The following NRXN3 variants were observed in gnomAD, a reference collection of about 807,000 sequenced individuals.
The protein encoded by NRXN3 is neurexin III.
NRXN3 carries 32 observed loss-of-function variants against 137.6 expected under a neutral mutation model. That is an observed-to-expected ratio of 0.23 (90% confidence interval 0.18 to 0.31). The LOEUF is 0.31. Among genes scored for constraint, NRXN3 ranks in the 10% least tolerant of loss-of-function variants. The pLI is 1.00. For missense variants in NRXN3, 1,574 were observed against 2,062.5 expected (o/e 0.76, Z 4.59); for synonymous variants, 798 against 784.5 (o/e 1.02, Z -0.29).
At chr14:79,834,988 A>G (rs2099334816) in intron 20 of NRXN3, among the ~76,000 whole-genome samples, 1 of 152,020 alleles carries the variant, frequency 6.6e-6, no homozygotes, top group South Asian at 2.1e-4. Flanking sequence ...CCACCGTTCT[A>G]CTCTACTTCT....
intron 14 of NRXN3, among the ~76,000 whole-genome samples, chr14:78,979,100 T>G (rs1008247262): frequency 1.3e-5 from 2 of 152,146 alleles, no homozygotes; most frequent in Non-Finnish European, 2.9e-5. Context: ...GATTGGATGA[T>G]GCCTACTCAC....
chr14:79,089,008 A>T (rs1293992326), intron 15 of NRXN3, among the ~76,000 whole-genome samples: 2 of 152,180 alleles, frequency 1.3e-5, no homozygotes, highest in African/African-American at 4.8e-5. Flanking sequence ...TTCATGGCTA[A>T]CAGATCACTC....
intron 15 of NRXN3, among the ~76,000 whole-genome samples, chr14:79,066,577 AG>A (rs2099681044): frequency 6.6e-6 from 1 of 152,154 alleles, no homozygotes; most frequent in African/African-American, 2.4e-5. Flanking sequence ...TACTTTGGGC[AG>A]TATGGCCATT....
At chr14:78,418,925 C>T (rs2093296852) in intron 4 of NRXN3, among the ~76,000 whole-genome samples, 2 of 152,204 alleles carry the variant, frequency 1.3e-5, no homozygotes, top group African/African-American at 4.8e-5. Context: ...TCAACTTAAT[C>T]TAACACAGCA....
chr14:78,596,634 A>G (rs2097159919), intron 4 of NRXN3, among the ~76,000 whole-genome samples: 1 of 152,182 alleles, frequency 6.6e-6, no homozygotes, highest in Non-Finnish European at 1.5e-5. Flanking sequence ...TTACAGTCTT[A>G]AAGAGCCATA....
At chr14:78,228,810 A>G (rs1360279608) in intron 1 of NRXN3, among the ~76,000 whole-genome samples, 2 of 152,158 alleles carry the variant, frequency 1.3e-5, no homozygotes, top group African/African-American at 4.8e-5. Flanking sequence ...CTTGAAATGT[A>G]CTACAGGGGA....
At chr14:78,286,390 G>A (rs2075181135) in intron 3 of NRXN3, among the ~76,000 whole-genome samples, 1 of 152,044 alleles carries the variant, frequency 6.6e-6, no homozygotes, top group Non-Finnish European at 1.5e-5. Flanking sequence ...GTCCAGGAGG[G>A]GGAAATGAGG....
chr14:78,192,792 T>C (rs899818970), intron 1 of NRXN3, among the ~76,000 whole-genome samples: 3 of 152,120 alleles, frequency 2.0e-5, no homozygotes, highest in African/African-American at 7.2e-5. Context: ...AGGGCAGGGG[T>C]AGGAGAGGCC....
chr14:78,808,771 C>T (rs1274472081), intron 9 of NRXN3, among the ~76,000 whole-genome samples: 1 of 152,078 alleles, frequency 6.6e-6, no homozygotes, highest in Non-Finnish European at 1.5e-5. Flanking sequence ...TGCTATAAAT[C>T]GCTCCTCTCC....
At chr14:78,654,213 G>C (rs1026612783) in intron 6 of NRXN3, among the ~76,000 whole-genome samples, 2 of 152,154 alleles carry the variant, frequency 1.3e-5, no homozygotes, top group African/African-American at 4.8e-5. Context: ...AACAGCAAAG[G>C]CTATGTTAGG....
At chr14:78,282,739 G>A (rs1038515798) in intron 3 of NRXN3, among the ~76,000 whole-genome samples, 25 of 152,306 alleles carry the variant, frequency 1.6e-4, no homozygotes, top group African/African-American at 5.3e-4. Flanking sequence ...ATCTCAGGCT[G>A]TCCTTGGGGA....
At chr14:78,331,577 C>A (rs1474708645) in intron 4 of NRXN3, among the ~76,000 whole-genome samples, 4 of 152,102 alleles carry the variant, frequency 2.6e-5, no homozygotes, top group Admixed American at 6.5e-5. Flanking sequence ...GCTTTATTCC[C>A]AGAAAGGACC....
At chr14:79,314,829 T>C (rs374154256) in intron 15 of NRXN3, among the ~76,000 whole-genome samples, 2,174 of 148,586 alleles carry the variant, frequency 0.015, 18 homozygotes, top group African/African-American at 0.018. Flanking sequence ...CGGCAGGGTA[T>C]TCCAACAGAC....
chr14:78,314,893 C>CTCTTTCTTTCTTTCTTTCTTTCTTTCTT (rs67628703), intron 4 of NRXN3, among the ~76,000 whole-genome samples: 1 of 82,126 alleles, frequency 1.2e-5, no homozygotes, highest in Non-Finnish European at 2.4e-5. Context: ...TTCTTTCTTT[C>CTCTTTCTTTCTTTCTTTCTTTCTTTCTT]TCTTTCTTTC....
chr14:78,429,661 A>G (rs544722109), intron 4 of NRXN3, among the ~76,000 whole-genome samples: 62 of 152,320 alleles, frequency 4.1e-4, no homozygotes, highest in African/African-American at 1.4e-3. Context: ...TTGTTGTGCC[A>G]GCTCCTGCTC....
At chr14:79,767,829 A>G (rs534837944) in intron 19 of NRXN3, among the ~76,000 whole-genome samples, 82 of 152,298 alleles carry the variant, frequency 5.4e-4, no homozygotes, top group African/African-American at 1.9e-3. Context: ...AACGCAGAAG[A>G]TGGGTGATTT....
chr14:78,412,676 A>G (rs774450078), intron 4 of NRXN3, among the ~76,000 whole-genome samples: 93 of 152,194 alleles, frequency 6.1e-4, no homozygotes, highest in Non-Finnish European at 7.2e-4. Flanking sequence ...AGGTCACGTG[A>G]CTTCAGAGCT....
intron 4 of NRXN3, among the ~76,000 whole-genome samples, chr14:78,366,458 G>GA (rs761630941): frequency 2.0e-5 from 3 of 152,136 alleles, no homozygotes; most frequent in Non-Finnish European, 4.4e-5. Flanking sequence ...AGAACTTATA[G>GA]AAAAACATAA....
chr14:78,603,632 G>A (rs1558954), intron 4 of NRXN3, among the ~76,000 whole-genome samples: 8,035 of 152,154 alleles, frequency 0.053, 265 homozygotes, highest in Middle Eastern at 0.12. Context: ...TAATAGCTGC[G>A]GTTGCCTTAC....
Sources: gnomAD v4.1 joint callset for allele counts (sites outside exome capture counted in the v4.1 genomes callset) on GRCh38, gnomAD v4.1.1 for gene constraint, MANE v1.5 for transcripts, NCBI Gene and HGNC (gene_info 2026-07-23, HGNC 2026-07-21) for gene names.